PLOD3: variants seen among roughly 807,000 people sequenced by gnomAD.
PLOD3 encodes the protein procollagen-lysine,2-oxoglutarate 5-dioxygenase 3, also known as multifunctional procollagen lysine hydroxylase and glycosyltransferase LH3.
A neutral mutation model predicts 96.9 loss-of-function variants in PLOD3; 73 were observed. That is an observed-to-expected ratio of 0.75 (90% confidence interval 0.62 to 0.92). The LOEUF is 0.92. Ranked by LOEUF, PLOD3 falls within the 40% of genes least tolerant of loss-of-function variation. The pLI, the probability that PLOD3 is intolerant of heterozygous loss-of-function variation, is 0.00. For synonymous variants in PLOD3, 454 were observed against 413.7 expected, an observed-to-expected ratio of 1.10 and a Z score of -1.18; for missense variants, 1,004 against 1,004.3, an observed-to-expected ratio of 1.00 and a Z score of 0.00.
chr7:101,209,001 A>G, intron 15 of PLOD3, 44 bp from the exon 16 acceptor site: 2 of 1,366,750 alleles, frequency 1.5e-6, no homozygotes, highest in Non-Finnish European at 2.1e-6. Context: ...GACGCCGCAG[A>G]ACGGGGAAGG....
intron 6 of PLOD3, among the ~76,000 whole-genome samples, chr7:101,214,411 G>A (rs1329209196): frequency 6.6e-6 from 1 of 151,986 alleles, no homozygotes. Context: ...GATTACAGGC[G>A]TGAGGCACCG....
intron 6 of PLOD3, 93 bp downstream of exon 6, chr7:101,214,996 G>C (rs1798245878): frequency 3.2e-6 from 3 of 943,866 alleles, no homozygotes; most frequent in Admixed American, 1.7e-5. Flanking sequence ...GGTGGGCTTG[G>C]ATCAGCCCAG....
chr7:101,206,210 A>G lies in PLOD3; in HGVS notation c.*71T>C, dbSNP rs1027064562. On this transcript the variant is annotated 3_prime_UTR_variant, in exon 19 of 19. Coordinates refer to ENST00000223127, the MANE Select transcript of PLOD3 (RefSeq NM_001084.5). ...GGGAGACAGAGAGACCCATCCCCCA[A>G]CTCCCAGGACGGGGGCCAGGCCCCC... 14 of 1,484,868 alleles carry G rather than the reference A, an allele frequency of 9.4e-6. No homozygotes were observed. The highest frequency in any genetic ancestry group is 1.3e-5 in the Non-Finnish European group (14 of 1,062,836). 92.0% of individuals were successfully genotyped at this position (1,484,868 alleles called of 1,614,324 possible).
chr7:101,211,526 G>A (rs1254438285), intron 12 of PLOD3, 65 bp downstream of exon 12: 60 of 1,534,700 alleles, frequency 3.9e-5, no homozygotes, highest in Non-Finnish European at 5.2e-5. Context: ...CTGAGAGTAG[G>A]GGGCTTGGGT....
Position 101,207,605 on chromosome 7 carries a change from C to G in PLOD3, c.1908G>C (p.Glu636Asp), listed in dbSNP as rs1798109462. Residue 636 changes from glutamate (E) to aspartate (D), a missense_variant, in exon 17 of 19, where the codon GAG becomes GAC. This residue lies in a region of PLOD3 where 222 missense variants were observed against 220.4 expected (regional missense o/e 1.01). Coordinates refer to ENST00000223127, the MANE Select transcript of PLOD3 (RefSeq NM_001084.5). ...TGGTGTGGTAACCGGGAAACAGGCT[C>G]TCGGTCATGGGGCCCACATACGTCC... ...LLRTYVGPMT[E>D]SLFPGYHTKA... 9 of 1,613,968 alleles carry G rather than the reference C, an allele frequency of 5.6e-6. No homozygotes were observed. The highest frequency in any genetic ancestry group is 7.6e-6 in the Non-Finnish European group (9 of 1,179,988).
intron 7 of PLOD3, 77 bp downstream of exon 7, chr7:101,213,030 G>C (rs990318697): frequency 2.9e-6 from 4 of 1,371,030 alleles, no homozygotes; most frequent in Non-Finnish European, 4.1e-6. Flanking sequence ...GGCTGGGAAG[G>C]GCCAGCTTCT....
Position 101,207,561 on chromosome 7 carries a change from G to T in PLOD3, c.1935+17C>A. 6.2e-7 allele frequency: 1 copy of T among 1,611,322 alleles called. No homozygotes were observed. Among genetic ancestry groups the T allele is most frequent in the Non-Finnish European group, 8.5e-7 (1 of 1,177,760 alleles). On this transcript the variant is annotated intron_variant, in intron 17 of 18. Coordinates refer to ENST00000223127, the MANE Select transcript of PLOD3 (RefSeq NM_001084.5). The stretch of plus-strand genomic sequence containing the variant: ...GGTGGGGAAGGTGGGGAGGCAGCTG[G>T]CAGGTGGGCAGCGCACCTTGGTGTG...
intron 8 of PLOD3, 60 bp downstream of exon 8, chr7:101,212,782 C>T: frequency 6.4e-7 from 1 of 1,565,328 alleles, no homozygotes; most frequent in Non-Finnish European, 8.8e-7. Flanking sequence ...GTCCGCTGTC[C>T]TTGTACCTCC....
intron 17 of PLOD3, 43 bp downstream of exon 17, chr7:101,207,535 G>T: frequency 6.2e-7 from 1 of 1,602,656 alleles, no homozygotes; most frequent in South Asian, 1.1e-5. Context: ...TCCGGGACTG[G>T]GGTGGGGAAG....
chr7:101,206,305 G>A lies in PLOD3; in HGVS notation c.2193C>T (p.Ile731=). 1 of 1,614,030 alleles carries A rather than the reference G, an allele frequency of 6.2e-7. No individual in the cohort carries two copies. The highest frequency in any genetic ancestry group is 8.5e-7 in the Non-Finnish European group (1 of 1,179,950). The change falls in exon 19 of 19, where the codon ATC becomes ATT. Residue 731 remains isoleucine, a synonymous_variant. Transcript: ENST00000223127. ...GTCAGGGGTCGACAAAGGACACCAT[G>A]ATGTAGCGTGTGCCCCAGGTCGTTG... ...GLPTTWGTRY[I]MVSFVDP is the part of the protein sequence containing the mutation.
At position 101,211,645 on chromosome 7, in the gene PLOD3, T is replaced by G. The variant is rs1044539662; in HGVS notation, c.1304A>C (p.Asp435Ala). The G allele has an allele frequency of 4.1e-5, 66 of 1,607,168 alleles. No homozygotes were observed. Among genetic ancestry groups the G allele is most frequent in the Non-Finnish European group, 5.4e-5 (64 of 1,177,616 alleles). The stretch of plus-strand genomic sequence containing the variant: ...GTCCTCGGAGCGGGCGTAGTACTCA[T>G]CGGGGCTCAGGGCGCCCCAGAAGTT... Reference protein sequence around the residue: ...WSNFWGALSPDEYYARSEDYV... With the variant: ...WSNFWGALSPAEYYARSEDYV... Residue 435 changes from aspartate (D) to alanine (A), a missense_variant, in exon 12 of 19, where the codon GAT (aspartate) becomes GCT (alanine). Physicochemically the swap from Asp to Ala is moderately radical, Grantham distance 126. Transcript: ENST00000223127.
At chr7:101,216,350 G>T (rs757847964) in intron 3 of PLOD3, 24 bp from the exon 4 acceptor site, 1 of 1,613,484 alleles carries the variant, frequency 6.2e-7, no homozygotes, top group Non-Finnish European at 8.5e-7. Flanking sequence ...GGGAGGATGG[G>T]CAGGGGTCCA....
chr7:101,206,669 T>A, intron 18 of PLOD3, 110 bp downstream of exon 18: 1 of 1,304,908 alleles, frequency 7.7e-7, no homozygotes, highest in East Asian at 2.5e-5. Context: ...ACCCACAAAG[T>A]CACTGGGAAA....
rs752494699 is a variant in PLOD3, at chr7:101,212,519, GGGA to G, written c.1005+8_1005+10del. The stretch of plus-strand genomic sequence containing the variant: ...GGTCCCTCAGGAGAGGCTCCAACAG[GGGA>G]GTCTCACGTTGTTGTGCAGGAAAAG... On this transcript the variant is annotated splice_region_variant and intron_variant, in intron 9 of 18. Transcript: ENST00000223127. 148 of 1,613,474 alleles carry G rather than the reference GGGA, an allele frequency of 9.2e-5. 1 individual carries two copies. In the South Asian group the frequency reaches 1.6e-3, roughly 17 times the overall value.
Position 101,217,400 on chromosome 7 carries a change from G to A in PLOD3, c.-126C>T. ...TGCTGTGCGGCCGCCGCGGGGAGCA[G>A]CTTGGCTGGGGCTACGCCCTGAAAA... is the stretch of plus-strand genomic sequence containing the variant. On this transcript the variant is annotated 5_prime_UTR_variant, in exon 1 of 19. Coordinates refer to ENST00000223127, the MANE Select transcript of PLOD3 (RefSeq NM_001084.5). The A allele has an allele frequency of 1.1e-6, 1 of 949,610 alleles. No individual in the cohort carries two copies. The highest frequency in any genetic ancestry group is 1.4e-6 in the Non-Finnish European group (1 of 702,880). The allele number at this position is 949,610 out of a possible 1,614,324, so 58.8% of individuals were successfully genotyped here.
At position 101,217,292 on chromosome 7, in the gene PLOD3, G is replaced by A. The variant is rs1444763837; in HGVS notation, c.-18C>T. On this transcript the variant is annotated 5_prime_UTR_variant, in exon 1 of 19. Coordinates refer to ENST00000223127, the MANE Select transcript of PLOD3 (RefSeq NM_001084.5). ...GAGGTCATGGTGGGGAGCGGGCCCA[G>A]ACAGCACCCAGGATCCTGGGATCTC... 1.4e-6 allele frequency: 2 copies of A among 1,448,292 alleles called. No individual in the cohort carries two copies. The highest frequency in any genetic ancestry group is 5.5e-5 in the Admixed American group (2 of 36,068). 89.7% of individuals were successfully genotyped at this position (1,448,292 alleles called of 1,614,324 possible).
intron 11 of PLOD3, 21 bp downstream of exon 11, chr7:101,211,825 C>T (rs376145636): frequency 2.1e-5 from 34 of 1,598,824 alleles, no homozygotes; most frequent in South Asian, 7.8e-5. Context: ...CCTCCGGCTG[C>T]GGGGAGAGGG....
rs1798297572 is a variant in PLOD3 at position 101,217,436 on chromosome 7, C to T, written c.-162G>A. The T allele has an allele frequency of 1.6e-6, 1 of 621,604 alleles. No individual in the cohort carries two copies. Among genetic ancestry groups the T allele is most frequent in the Admixed American group, 3.9e-5 (1 of 25,952 alleles). 38.5% of individuals were successfully genotyped at this position (621,604 alleles called of 1,614,324 possible). ...GCTACGCCCTGAAAAAAAGGCGTATCCGGAGGCTACAGAAAGCTCCAGATG... is the reference window on the plus strand; with the variant it reads ...GCTACGCCCTGAAAAAAAGGCGTATTCGGAGGCTACAGAAAGCTCCAGATG... On this transcript the variant is annotated 5_prime_UTR_variant, in exon 1 of 19. Transcript: ENST00000223127.
intron 2 of PLOD3, 47 bp from the exon 3 acceptor site, chr7:101,216,593 G>A (rs774276517): frequency 6.2e-7 from 1 of 1,612,870 alleles, no homozygotes; most frequent in Non-Finnish European, 8.5e-7. Context: ...GGGAGTTGTG[G>A]GGGGAACTCC....
Sources: allele counts gnomAD v4.1 joint callset (sites outside exome capture counted in the v4.1 genomes callset), GRCh38; gene constraint gnomAD v4.1.1; regional missense constraint gnomAD v4.1.1; transcripts MANE v1.5; gene names NCBI Gene and HGNC (gene_info 2026-07-23, HGNC 2026-07-21).